The following PCDHGB3 variants were observed in gnomAD, a reference collection of about 807,000 sequenced individuals.
PCDHGB3 encodes the protein protocadherin gamma subfamily B, 3.
In PCDHGB3, 40 loss-of-function variants were observed where a neutral mutation model predicts 59.2. That is an observed-to-expected ratio of 0.68 (90% CI 0.52 to 0.88). The LOEUF is 0.88. Ranked by LOEUF, PCDHGB3 falls within the 40% of genes least tolerant of loss-of-function variation. The pLI is 0.00. For synonymous variants in PCDHGB3, 581 were observed against 503.6 expected, an observed-to-expected ratio of 1.15 and a Z score of -2.06; for missense variants, 1,309 against 1,187.9, an observed-to-expected ratio of 1.10 and a Z score of -1.50.
intron 3 of PCDHGB3, among the ~76,000 whole-genome samples, chr5:141,506,441 T>C (rs1940889203): frequency 9.8e-6 from 1 of 101,930 alleles, no homozygotes; most frequent in South Asian, 3.0e-4. Flanking sequence ...TCTCGCTCTG[T>C]CTCAAAAAAA....
chr5:141,491,560 T>C lies in PCDHGB3; in HGVS notation c.2416-3247T>C. 1 of 1,613,986 alleles carries C rather than the reference T, an allele frequency of 6.2e-7. No homozygotes were observed. Among genetic ancestry groups the C allele is most frequent in the Non-Finnish European group, 8.5e-7 (1 of 1,180,026 alleles). ...GCCCACAGACTCGCAGAGCCACTGCTACAGGACGTGCTTTTCACCGGCCTC... is the reference window on the plus strand; with the variant it reads ...GCCCACAGACTCGCAGAGCCACTGCCACAGGACGTGCTTTTCACCGGCCTC... On this transcript the variant is annotated intron_variant, in intron 1 of 3. Coordinates refer to ENST00000576222, the MANE Select transcript of PCDHGB3 (RefSeq NM_018924.5). This position sits in a 1 kb window ranked among gnomAD's most constrained non-coding sequence, Gnocchi z 6.9.
At chr5:141,420,018 G>A (rs2096458708) in intron 1 of PCDHGB3, 2 of 1,613,948 alleles carry the variant, frequency 1.2e-6, no homozygotes, top group African/African-American at 1.3e-5. Flanking sequence ...CAGTCTTTCA[G>A]CCCTACTGCA....
chr5:141,373,242 C>T (rs1241005147), intron 1 of PCDHGB3, among the ~76,000 whole-genome samples: 1 of 152,106 alleles, frequency 6.6e-6, no homozygotes, highest in Non-Finnish European at 1.5e-5. Context: ...TTTTTACTTC[C>T]CTTTGCATGT....
chr5:141,438,065 C>T (rs1385128405), intron 1 of PCDHGB3, among the ~76,000 whole-genome samples: 1 of 151,996 alleles, frequency 6.6e-6, no homozygotes, highest in Non-Finnish European at 1.5e-5. Flanking sequence ...TTTAAGAAAC[C>T]ATACTTAATG....
At chr5:141,450,364 T>G (rs2098678485) in intron 1 of PCDHGB3, among the ~76,000 whole-genome samples, 1 of 152,188 alleles carries the variant, frequency 6.6e-6, no homozygotes, top group Admixed American at 6.5e-5. Flanking sequence ...TCCTCAGCCT[T>G]GTTTGTTTAT....
chr5:141,392,964 G>A (rs772870041), intron 1 of PCDHGB3: 2 of 1,613,902 alleles, frequency 1.2e-6, no homozygotes, highest in South Asian at 1.1e-5. Context: ...TATCTCCAAG[G>A]ACCTGGGGCT....
chr5:141,383,267 T>G (rs1428207205), intron 1 of PCDHGB3: 1 of 1,613,726 alleles, frequency 6.2e-7, no homozygotes, highest in East Asian at 2.2e-5. Context: ...GACGTGGAAA[T>G]AATAGATATT....
chr5:141,451,523 A>G (rs1035983001), intron 1 of PCDHGB3, among the ~76,000 whole-genome samples: 1 of 152,200 alleles, frequency 6.6e-6, no homozygotes, highest in African/African-American at 2.4e-5. Flanking sequence ...AGAGCAAGTA[A>G]AGGAGAGTGC....
chr5:141,372,288 T>A lies in PCDHGB3; in HGVS notation c.1894T>A (p.Leu632Met). 6.2e-7 allele frequency: 1 copy of A among 1,613,284 alleles called. No homozygotes were observed. The highest frequency in any genetic ancestry group is 2.2e-5 in the East Asian group (1 of 44,880). ...GGGTGAGGTGCGCACGGCGCGTACC[T>A]TGGGCGACAGGGAGGCCGCCCGCCA... ...RTGEVRTART[L>M]GDREAARQRL... The change falls in exon 1 of 4, where the codon TTG (leucine) becomes ATG (methionine). Residue 632 changes from leucine to methionine, a missense_variant. Physicochemically the swap from Leu to Met is conservative, Grantham distance 15 (BLOSUM62 2). Transcript: ENST00000576222.
In PCDHGB3 at chr5:141,423,740, GA is replaced by G. The variant is rs778655137; in HGVS notation, c.2415+50935del. 7 of 698,952 alleles carry G rather than the reference GA, an allele frequency of 1.0e-5. No individual in the cohort carries two copies. The African/African-American group carries it at 1.9e-4, about 19-fold the overall frequency. The allele number at this position is 698,952 out of a possible 1,614,324, so 43.3% of individuals were successfully genotyped here. ...AGGAGATGTTTTTTGAGCCTGTTAT[GA>G]AAACTGTTTGGGGGGGGGGTGGGGC... On this transcript the variant is annotated intron_variant, in intron 1 of 3. Coordinates refer to ENST00000576222, the MANE Select transcript of PCDHGB3 (RefSeq NM_018924.5).
At position 141,487,621 on chromosome 5, in the gene PCDHGB3, A is replaced by G; in HGVS notation, c.2416-7186A>G. The G allele has an allele frequency of 6.2e-7, 1 of 1,614,164 alleles. No individual in the cohort carries two copies. On this transcript the variant is annotated intron_variant, in intron 1 of 3. Transcript: ENST00000576222. This position sits in a 1 kb window ranked among gnomAD's most constrained non-coding sequence, Gnocchi z 5.0. ...ATCTTCTCTATGGGCTAGAGGTGAG[A>G]CCTTTGCAGGCTCAACAAATGCTTG... is the stretch of plus-strand genomic sequence containing the variant.
At chr5:141,409,639 G>T (rs948112966) in intron 1 of PCDHGB3, 2 of 1,613,760 alleles carry the variant, frequency 1.2e-6, no homozygotes, top group African/African-American at 1.3e-5. Flanking sequence ...CCTCTGACCC[G>T]GATTTGGGGC....
chr5:141,432,366 A>T lies in PCDHGB3; in HGVS notation c.2415+59557A>T. The T allele has an allele frequency of 6.2e-7, 1 of 1,614,204 alleles. No homozygotes were observed. Among genetic ancestry groups the T allele is most frequent in the Non-Finnish European group, 8.5e-7 (1 of 1,180,034 alleles). On this transcript the variant is annotated intron_variant, in intron 1 of 3. Coordinates refer to ENST00000576222, the MANE Select transcript of PCDHGB3 (RefSeq NM_018924.5). This position sits in a 1 kb window ranked among gnomAD's most constrained non-coding sequence, Gnocchi z 6.0. Reference sequence around the variant, plus strand: ...TTGCAAGTGAAAGTGATGGCGCGGGACAACGGGCACCCGCCCCTCAGCAGC... The same window carrying T: ...TTGCAAGTGAAAGTGATGGCGCGGGTCAACGGGCACCCGCCCCTCAGCAGC...
rs2096153349 is a variant in PCDHGB3 at position 141,417,731 on chromosome 5, C to G, written c.2415+44922C>G. 2.2e-6 allele frequency: 3 copies of G among 1,378,810 alleles called. No homozygotes were observed. In the East Asian group the frequency reaches 7.6e-5, roughly 35 times the overall value. 85.4% of individuals were successfully genotyped at this position (1,378,810 alleles called of 1,614,324 possible). A position where few individuals can be genotyped will look rare whatever the true frequency, so the allele number is the denominator to read the frequency against. On this transcript the variant is annotated intron_variant, in intron 1 of 3. Coordinates refer to ENST00000576222, the MANE Select transcript of PCDHGB3 (RefSeq NM_018924.5). ...AGGCTCCCGGCTGCGCAGACCTTGC[C>G]CAGCACACCAGATTGCCAGCTCCGA...
chr5:141,378,535 T>C (rs1235721694), intron 1 of PCDHGB3: 1 of 152,092 alleles, frequency 6.6e-6, no homozygotes, highest in Non-Finnish European at 1.5e-5. Context: ...AAAATAATAA[T>C]GATAATTAAT....
intron 1 of PCDHGB3, among the ~76,000 whole-genome samples, chr5:141,447,652 C>T (rs901761789): frequency 6.6e-6 from 1 of 151,972 alleles, no homozygotes; most frequent in African/African-American, 2.4e-5. Context: ...TAGAATTTTC[C>T]CCCCCAGGAA....
At chr5:141,388,965 G>T (rs1164641835) in intron 1 of PCDHGB3, 1 of 1,613,978 alleles carries the variant, frequency 6.2e-7, no homozygotes, top group Admixed American at 1.7e-5. Context: ...CGCCGAGCTG[G>T]GAACACATAT....
At chr5:141,409,741 G>A in intron 1 of PCDHGB3, 2 of 1,613,122 alleles carry the variant, frequency 1.2e-6, no homozygotes, top group Non-Finnish European at 1.7e-6. Context: ...AGAGCGGGGT[G>A]GTGTTCGCGC....
At chr5:141,452,421 C>A (rs1211472567) in intron 1 of PCDHGB3, among the ~76,000 whole-genome samples, 2 of 152,180 alleles carry the variant, frequency 1.3e-5, no homozygotes, top group Non-Finnish European at 2.9e-5. Context: ...ATGCTCACTG[C>A]TAATGGGCTG....
Sources: allele counts gnomAD v4.1 joint callset (sites outside exome capture counted in the v4.1 genomes callset), GRCh38; gene constraint gnomAD v4.1.1; non-coding constraint Gnocchi (gnomAD v3.1); transcripts MANE v1.5; gene names NCBI Gene and HGNC (gene_info 2026-07-23, HGNC 2026-07-21).